The following KREMEN1 variants were observed in gnomAD, a reference collection of about 807,000 sequenced individuals.
KREMEN1 encodes kringle containing transmembrane protein 1, also known as kremen protein 1.
Under a neutral mutation model 46.5 loss-of-function variants are expected in KREMEN1, and 30 were observed. That is an observed-to-expected ratio of 0.65 (90% CI 0.48 to 0.88). The LOEUF (loss-of-function observed/expected upper bound fraction) is 0.88, where lower values mean the gene tolerates loss of function less well. Ranked by LOEUF, KREMEN1 falls within the 40% of genes least tolerant of loss-of-function variation. KREMEN1 has a pLI of 0.00. For synonymous variants in KREMEN1, 214 were observed against 230.6 expected (o/e 0.93, Z 0.65); for missense variants, 533 against 596.9 (o/e 0.89, Z 1.11).
intron 3 of KREMEN1, among the ~76,000 whole-genome samples, chr22:29,111,298 C>A (rs1338161459): frequency 2.0e-5 from 3 of 148,530 alleles, no homozygotes; most frequent in African/African-American, 7.5e-5. Context: ...CAGAGTGAGA[C>A]CCTGTCTCTA....
At chr22:29,140,210 G>T (rs1405188213) in intron 7 of KREMEN1, 72 bp from the exon 8 acceptor site, 2 of 1,173,382 alleles carry the variant, frequency 1.7e-6, no homozygotes, top group Non-Finnish European at 2.6e-6. Context: ...ACTCACTTGG[G>T]TATTCCAGCC....
rs60455556 is a variant in KREMEN1 at position 29,099,675 on chromosome 22, G to A, written c.352+722G>A. Among the ~76,000 whole-genome samples, 724 of 147,522 alleles carry A rather than the reference G, an allele frequency of 4.9e-3. 21 individuals are homozygous for A. The East Asian group carries it at 0.073, about 15-fold the overall frequency. ...AAGTGATTCTCCTGCCTCAGCTTTC[G>A]CAGTAGCTGGGACTGCAGGCGTGCA... On this transcript the variant is annotated intron_variant, in intron 3 of 8. Coordinates refer to ENST00000400335, the MANE Select transcript of KREMEN1 (RefSeq NM_001039570.3).
intron 3 of KREMEN1, among the ~76,000 whole-genome samples, chr22:29,110,925 G>A (rs2038136725): frequency 6.6e-6 from 1 of 152,148 alleles, no homozygotes; most frequent in Non-Finnish European, 1.5e-5. Flanking sequence ...GATACCAGCT[G>A]CAGCGTCTCA....
chr22:29,154,251 T>C lies in KREMEN1; in HGVS notation c.1416+12151T>C, dbSNP rs141596644. 1.5e-4 allele frequency: 23 copies of C among 152,274 alleles called. 1 individual carries two copies. Among genetic ancestry groups the C allele is most frequent in the African/African-American group, 4.1e-4 (17 of 41,542 alleles). The allele number at this position is 152,274 out of a possible 1,614,324, so 9.4% of individuals were successfully genotyped here. A position where few individuals can be genotyped will look rare whatever the true frequency, so the allele number is the denominator to read the frequency against. ...CCTCCTTAGAGAATAATTCCTGACTTGGTTCCTTCAAGTAGCTGGTTTCCC... is the reference window on the plus strand; with the variant it reads ...CCTCCTTAGAGAATAATTCCTGACTCGGTTCCTTCAAGTAGCTGGTTTCCC... On this transcript the variant is annotated intron_variant, in intron 9 of 9. Coordinates refer to the KREMEN1 transcript ENST00000327813.
rs184933359 is a variant in KREMEN1 at position 29,141,167 on chromosome 22, A to G, written c.1209-777A>G. The stretch of plus-strand genomic sequence containing the variant: ...GAATGCTGCCTTTGGCCACATTGGA[A>G]CCCCTTTACATAGACACCTCCACCC... On this transcript the variant is annotated intron_variant, in intron 8 of 8. Coordinates refer to ENST00000400335, the MANE Select transcript of KREMEN1 (RefSeq NM_001039570.3). 2.3e-3 allele frequency among the ~76,000 whole-genome samples: 353 copies of G among 151,930 alleles called. 3 individuals are homozygous for G. The highest frequency in any genetic ancestry group is 8.3e-3 in the African/African-American group (343 of 41,410).
intron 1 of KREMEN1, among the ~76,000 whole-genome samples, chr22:29,076,616 C>T (rs1431045265): frequency 1.3e-5 from 2 of 152,116 alleles, no homozygotes; most frequent in Non-Finnish European, 2.9e-5. Flanking sequence ...TTTGGGAGGT[C>T]AAGGCAGACG....
At chr22:29,164,257 C>T (rs2039035384) in intron 9 of KREMEN1, among the ~76,000 whole-genome samples, 1 of 152,204 alleles carries the variant, frequency 6.6e-6, no homozygotes, top group Non-Finnish European at 1.5e-5. Context: ...CTGGACACAC[C>T]TGGCAAACTG....
exon 10 of KREMEN1, chr22:29,167,444 G>C (rs772318793): frequency 5.2e-4 from 128 of 246,408 alleles, no homozygotes; most frequent in Middle Eastern, 2.8e-3. Context: ...GACCGAGAGT[G>C]ACATCCAGTT....
chr22:29,124,562 G>A (rs1403723485), intron 4 of KREMEN1, among the ~76,000 whole-genome samples: 4 of 151,284 alleles, frequency 2.6e-5, no homozygotes, highest in South Asian at 2.1e-4. Flanking sequence ...ATGCAGTCTC[G>A]GCTCACTGCA....
chr22:29,113,599 C>G (rs2038185426), intron 3 of KREMEN1, among the ~76,000 whole-genome samples: 12 of 152,142 alleles, frequency 7.9e-5, no homozygotes, highest in Admixed American at 7.9e-4. Flanking sequence ...CCTTTGAGGT[C>G]CGTATTGATT....
chr22:29,094,712 C>T (rs538605453), intron 2 of KREMEN1, among the ~76,000 whole-genome samples: 35 of 151,838 alleles, frequency 2.3e-4, no homozygotes, highest in Non-Finnish European at 2.7e-4. Flanking sequence ...CAAGCTCCGC[C>T]TCCCGGGTTC....
In KREMEN1 at chr22:29,145,933, C is replaced by T; in HGVS notation, c.*3821C>T. On this transcript the variant is annotated 3_prime_UTR_variant, in exon 9 of 9. Transcript: ENST00000400335. The stretch of plus-strand genomic sequence containing the variant: ...GCCCCACTGTCAGCCCAGGCAGGAG[C>T]CTTCCTGGCCGGGCTCAGGATCTGC... 1 of 985,944 alleles carries T rather than the reference C, an allele frequency of 1.0e-6. No homozygotes were observed. Among genetic ancestry groups the T allele is most frequent in the Non-Finnish European group, 1.2e-6 (1 of 830,014 alleles). The allele number at this position is 985,944 out of a possible 1,614,324, so 61.1% of individuals were successfully genotyped here. A position where few individuals can be genotyped will look rare whatever the true frequency, so the allele number is the denominator to read the frequency against.
chr22:29,154,239 T>C (rs928952511), intron 9 of KREMEN1: 2 of 152,180 alleles, frequency 1.3e-5, no homozygotes, highest in Admixed American at 6.5e-5. Context: ...CCTTAGAGAA[T>C]AATTCCTGAC....
intron 8 of KREMEN1, among the ~76,000 whole-genome samples, chr22:29,140,703 A>G (rs1270605360): frequency 1.3e-5 from 2 of 152,250 alleles, no homozygotes; most frequent in East Asian, 3.8e-4. Context: ...GATGCCGTGC[A>G]TACTTCCTGA....
Position 29,073,138 on chromosome 22 carries a change from C to T in KREMEN1, c.8C>T (p.Pro3Leu). ...GCCCCGCACTGACGGCCCATGGCGC[C>T]GCCAGCCGCCCGCCTCGCCCTGCTC... MAPPAARLALLSA... is the reference protein window; with the variant it reads MALPAARLALLSA... Residue 3 changes from proline (P) to leucine (L), a missense_variant, in exon 1 of 9, where the codon CCG (proline) becomes CTG (leucine). Physicochemically the swap from Pro to Leu is moderately conservative, Grantham distance 98. Coordinates refer to ENST00000400335, the MANE Select transcript of KREMEN1 (RefSeq NM_001039570.3). This position sits in a 1 kb window ranked among gnomAD's most constrained non-coding sequence, Gnocchi z 4.4. 2.8e-6 allele frequency: 3 copies of T among 1,082,720 alleles called. No homozygotes were observed. The highest frequency in any genetic ancestry group is 3.3e-6 in the Non-Finnish European group (3 of 895,770). 67.1% of individuals were successfully genotyped at this position (1,082,720 alleles called of 1,614,324 possible). A position where few individuals can be genotyped will look rare whatever the true frequency, so the allele number is the denominator to read the frequency against.
intron 2 of KREMEN1, among the ~76,000 whole-genome samples, chr22:29,095,275 A>T (rs2037867397): frequency 6.6e-6 from 1 of 151,968 alleles, no homozygotes; most frequent in Non-Finnish European, 1.5e-5. Context: ...CTCCCGTCTG[A>T]CTCTAGCAGG....
exon 10 of KREMEN1, chr22:29,167,352 T>C (rs1055621477): frequency 1.9e-6 from 1 of 524,236 alleles, no homozygotes; most frequent in South Asian, 2.4e-5. Flanking sequence ...GAGCGGGACC[T>C]CGTCTCTAAG....
rs140053048 is a variant in KREMEN1, at chr22:29,124,806, T to C, written c.478-457T>C. ...CCATGCCCGGCTGTGGTTACACAAATCTATACAAGTGTTAAAATTTATAGA... is the reference window on the plus strand; with the variant it reads ...CCATGCCCGGCTGTGGTTACACAAACCTATACAAGTGTTAAAATTTATAGA... On this transcript the variant is annotated intron_variant, in intron 4 of 8. Coordinates refer to ENST00000400335, the MANE Select transcript of KREMEN1 (RefSeq NM_001039570.3). Among the ~76,000 whole-genome samples the C allele has an allele frequency of 6.0e-4, 91 of 152,282 alleles. 1 individual carries two copies. The highest frequency in any genetic ancestry group is 1.2e-3 in the Non-Finnish European group (79 of 68,012).
intron 1 of KREMEN1, among the ~76,000 whole-genome samples, chr22:29,089,643 T>G (rs560664086): frequency 1.3e-5 from 2 of 152,196 alleles, no homozygotes; most frequent in Non-Finnish European, 2.9e-5. Context: ...TCCCCTGCTC[T>G]AAACCCTCCA....
Sources: gnomAD v4.1 joint callset for allele counts (sites outside exome capture counted in the v4.1 genomes callset) on GRCh38, gnomAD v4.1.1 for gene constraint, Gnocchi (gnomAD v3.1) non-coding constraint, MANE v1.5 for transcripts, NCBI Gene and HGNC (gene_info 2026-07-23, HGNC 2026-07-21) for gene names.